Variants in PARD3B observed in about 807,000 individuals in gnomAD.
The protein encoded by PARD3B is par-3 family cell polarity regulator beta.
In PARD3B, 103 loss-of-function variants were observed where a neutral mutation model predicts 130.2. That is an observed-to-expected ratio of 0.79 (90% CI 0.67 to 0.93). The LOEUF is 0.93. PARD3B is among the 40% of genes least tolerant of loss of function. PARD3B has a pLI of 0.00. For missense variants in PARD3B, 1,609 were observed against 1,499.2 expected, an observed-to-expected ratio of 1.07 and a Z score of -1.21; for synonymous variants, 583 against 553.2, an observed-to-expected ratio of 1.05 and a Z score of -0.76.
At chr2:204,879,335 T>G (rs2045956494) in intron 2 of PARD3B, among the ~76,000 whole-genome samples, 4 of 152,178 alleles carry the variant, frequency 2.6e-5, no homozygotes. Context: ...CAGGACATGC[T>G]CAAGGCTATT....
chr2:205,476,965 T>C (rs2049043803), intron 20 of PARD3B, among the ~76,000 whole-genome samples: 2 of 152,240 alleles, frequency 1.3e-5, no homozygotes, highest in Admixed American at 1.3e-4. Flanking sequence ...TACTTGTGTA[T>C]GGCAATGATG....
chr2:204,985,757 G>A (rs184563629), intron 3 of PARD3B, among the ~76,000 whole-genome samples: 13 of 152,118 alleles, frequency 8.5e-5, no homozygotes, highest in African/African-American at 2.4e-4. Context: ...GGGTTGGGGT[G>A]ATGTGTACAG....
At chr2:204,707,492 C>T (rs921381480) in intron 2 of PARD3B, among the ~76,000 whole-genome samples, 1 of 151,786 alleles carries the variant, frequency 6.6e-6, no homozygotes, top group Admixed American at 6.6e-5. Context: ...ATTTTTATCA[C>T]AAAGGCCAAG....
intron 4 of PARD3B, among the ~76,000 whole-genome samples, chr2:205,051,580 G>T (rs58982621): frequency 0.14 from 21,242 of 152,140 alleles, 1,856 homozygotes; most frequent in Middle Eastern, 0.2. Flanking sequence ...GTTATTTTTA[G>T]TTGCACTTCA....
chr2:204,567,327 A>G (rs2031734555), intron 1 of PARD3B, among the ~76,000 whole-genome samples: 1 of 152,088 alleles, frequency 6.6e-6, no homozygotes, highest in Non-Finnish European at 1.5e-5. Context: ...AAACTTGTTC[A>G]TCTTCCCAAA....
chr2:204,971,964 T>A (rs1435674017), intron 3 of PARD3B, among the ~76,000 whole-genome samples: 2 of 152,072 alleles, frequency 1.3e-5, no homozygotes, highest in East Asian at 3.9e-4. Flanking sequence ...GCTGTTTTGA[T>A]TTTTATTTTA....
At position 204,689,260 on chromosome 2, in the gene PARD3B, A is replaced by G. The variant is rs114675860; in HGVS notation, c.222+2978A>G. Among the ~76,000 whole-genome samples the G allele has an allele frequency of 3.9e-3, 597 of 152,290 alleles. 3 individuals carry two copies. The highest frequency in any genetic ancestry group is 0.014 in the African/African-American group (566 of 41,574). On this transcript the variant is annotated intron_variant, in intron 2 of 22. Coordinates refer to ENST00000406610, the MANE Select transcript of PARD3B (RefSeq NM_001302769.2). This position sits in a 1 kb window ranked among gnomAD's most constrained non-coding sequence, Gnocchi z 5.2. ...CTTTGGCCAACATAGTGCTTGGCGC[A>G]TACATGGTATCTGCTTGGGAGCTTT...
chr2:205,543,213 AAT>A (rs2052238146), intron 21 of PARD3B, among the ~76,000 whole-genome samples: 1 of 152,346 alleles, frequency 6.6e-6, no homozygotes, highest in Middle Eastern at 3.4e-3. Context: ...AAACCAAATT[AAT>A]AGACTGATAC....
At chr2:205,106,135 T>C (rs1050929420) in intron 5 of PARD3B, among the ~76,000 whole-genome samples, 2 of 151,430 alleles carry the variant, frequency 1.3e-5, no homozygotes, top group South Asian at 2.1e-4. Flanking sequence ...ATATATTCTT[T>C]TATTTATTTA....
chr2:205,603,054 G>C (rs1211582052), intron 22 of PARD3B, among the ~76,000 whole-genome samples: 4 of 152,084 alleles, frequency 2.6e-5, no homozygotes, highest in Non-Finnish European at 5.9e-5. Flanking sequence ...ATTCTGCTGT[G>C]TTATCTCTTT....
intron 18 of PARD3B, among the ~76,000 whole-genome samples, chr2:205,340,122 G>C (rs2043466752): frequency 6.6e-6 from 1 of 152,058 alleles, no homozygotes; most frequent in African/African-American, 2.4e-5. Context: ...TAAGCTCCTT[G>C]TCACAAGGTA....
intron 19 of PARD3B, among the ~76,000 whole-genome samples, chr2:205,404,190 G>A (rs114015265): frequency 6.6e-6 from 1 of 152,136 alleles, no homozygotes; most frequent in African/African-American, 2.4e-5. Flanking sequence ...ACCAACCGCA[G>A]ATTGAAAATA....
chr2:205,108,484 C>T (rs996850036), intron 5 of PARD3B, among the ~76,000 whole-genome samples: 4 of 152,036 alleles, frequency 2.6e-5, no homozygotes, highest in East Asian at 3.9e-4. Flanking sequence ...TCTTTCTCCT[C>T]GTTATTCTCT....
intron 21 of PARD3B, among the ~76,000 whole-genome samples, chr2:205,519,343 TCTTTC>T (rs2050933792): frequency 6.6e-6 from 1 of 152,236 alleles, no homozygotes; most frequent in African/African-American, 2.4e-5. Flanking sequence ...GCTCTGAGAT[TCTTTC>T]CTGATCTTTG....
chr2:204,561,282 G>A (rs2031291492), intron 1 of PARD3B, among the ~76,000 whole-genome samples: 2 of 152,210 alleles, frequency 1.3e-5, no homozygotes, highest in East Asian at 3.8e-4. Context: ...AGAAATAAAA[G>A]TTGTTAGGCT....
At chr2:205,613,607 C>G (rs958284653) in intron 22 of PARD3B, among the ~76,000 whole-genome samples, 2 of 152,162 alleles carry the variant, frequency 1.3e-5, no homozygotes, top group Non-Finnish European at 2.9e-5. Context: ...GCAAACTGCA[C>G]TGAATAATAG....
intron 3 of PARD3B, among the ~76,000 whole-genome samples, chr2:204,970,628 AT>A (rs1050434274): frequency 1.3e-5 from 2 of 151,996 alleles, no homozygotes; most frequent in South Asian, 2.1e-4. Flanking sequence ...CCTTTTGATA[AT>A]TTTTTTCAGT....
intron 16 of PARD3B, among the ~76,000 whole-genome samples, chr2:205,285,607 C>A (rs1415032727): frequency 6.6e-6 from 1 of 152,144 alleles, no homozygotes; most frequent in Non-Finnish European, 1.5e-5. Context: ...CTGCAGTGGA[C>A]ACATGGCTGG....
intron 16 of PARD3B, among the ~76,000 whole-genome samples, chr2:205,284,113 C>T (rs547356047): frequency 3.3e-5 from 5 of 152,294 alleles, no homozygotes; most frequent in African/African-American, 2.4e-5. Flanking sequence ...ATTAGCTGTA[C>T]TTAGTCACAT....
Sources: allele counts gnomAD v4.1 joint callset (sites outside exome capture counted in the v4.1 genomes callset), GRCh38; gene constraint gnomAD v4.1.1; non-coding constraint Gnocchi (gnomAD v3.1); transcripts MANE v1.5; gene names NCBI Gene and HGNC (gene_info 2026-07-23, HGNC 2026-07-21).